The following PI4K2B variants were observed in gnomAD, a reference collection of about 807,000 sequenced individuals.
PI4K2B encodes the protein phosphatidylinositol 4-kinase type 2 beta.
A neutral mutation model predicts 56.6 loss-of-function variants in PI4K2B; 46 were observed. That is an observed-to-expected ratio of 0.81 (90% CI 0.64 to 1.04). The LOEUF (loss-of-function observed/expected upper bound fraction) is 1.04. PI4K2B is among the 50% of genes least tolerant of loss of function. The pLI, the probability that PI4K2B is intolerant of heterozygous loss-of-function variation, is 0.00. For synonymous variants in PI4K2B, 211 were observed against 223.8 expected, an observed-to-expected ratio of 0.94 and a Z score of 0.51; for missense variants, 556 against 607.7, an observed-to-expected ratio of 0.91 and a Z score of 0.89.
At chr4:25,251,497 G>C (rs988456847) in intron 1 of PI4K2B, among the ~76,000 whole-genome samples, 2 of 152,090 alleles carry the variant, frequency 1.3e-5, no homozygotes, top group Non-Finnish European at 2.9e-5. Context: ...ATTTAAGCTG[G>C]CCAAGGAGGA....
intron 4 of PI4K2B, among the ~76,000 whole-genome samples, chr4:25,257,272 G>A (rs12506918): frequency 1.3e-5 from 2 of 152,052 alleles, no homozygotes; most frequent in African/African-American, 4.8e-5. Flanking sequence ...ATGTTGCCTA[G>A]GCTGGTCTTG....
chr4:25,254,519 T>C (rs1716182136), intron 2 of PI4K2B: 1 of 154,812 alleles, frequency 6.5e-6, no homozygotes, highest in Admixed American at 6.5e-5. Context: ...GTTCATGCCA[T>C]TCTCCAGCCT....
intron 1 of PI4K2B, among the ~76,000 whole-genome samples, chr4:25,236,489 G>T (rs1577672541): frequency 6.7e-6 from 1 of 149,322 alleles, no homozygotes; most frequent in South Asian, 2.1e-4. Context: ...AGAGGTGTAG[G>T]TTGCAGTGAG....
rs74310701 is a variant in PI4K2B at position 25,266,195 on chromosome 4, T to TC, written c.1079-2243dup. On this transcript the variant is annotated intron_variant, in intron 7 of 9. Coordinates refer to ENST00000264864, the MANE Select transcript of PI4K2B (RefSeq NM_018323.4). ...ATGCATGTGTGAATGAATGACAAGGTCCCCCTCTGTCATCTAGGCTGGATT... is the reference window on the plus strand; with the variant it reads ...ATGCATGTGTGAATGAATGACAAGGTCCCCCCTCTGTCATCTAGGCTGGATT... 0.015 allele frequency among the ~76,000 whole-genome samples: 2,221 copies of TC among 152,248 alleles called. 127 individuals carry two copies. The East Asian group carries it at 0.18, about 12-fold the overall frequency.
chr4:25,265,464 T>C (rs1447039298), intron 7 of PI4K2B, among the ~76,000 whole-genome samples: 1 of 152,212 alleles, frequency 6.6e-6, no homozygotes, highest in African/African-American at 2.4e-5. Context: ...ATGTTCATGC[T>C]ATATCGCTTT....
At chr4:25,235,859 T>A (rs1715239249) in intron 1 of PI4K2B, among the ~76,000 whole-genome samples, 6 of 151,880 alleles carry the variant, frequency 4.0e-5, no homozygotes, top group Admixed American at 3.9e-4. Flanking sequence ...TAGAAAAAAA[T>A]CAAAGCGAGA....
chr4:25,261,372 T>C (rs1384516480), intron 6 of PI4K2B, among the ~76,000 whole-genome samples: 2 of 152,192 alleles, frequency 1.3e-5, no homozygotes, highest in African/African-American at 2.4e-5. Context: ...TCAACACTGA[T>C]ATGAGAGTTA....
intron 1 of PI4K2B, among the ~76,000 whole-genome samples, chr4:25,249,339 C>T (rs929827516): frequency 7.2e-5 from 11 of 152,214 alleles, no homozygotes; most frequent in Admixed American, 6.5e-4. Context: ...ACCTCCCAGA[C>T]AGGGTGGCGG....
intron 2 of PI4K2B, among the ~76,000 whole-genome samples, chr4:25,254,722 G>T (rs931915836): frequency 1.6e-4 from 25 of 152,242 alleles, no homozygotes; most frequent in African/African-American, 6.0e-4. Flanking sequence ...CAGTGAAACT[G>T]TTTCTTAACT....
At chr4:25,275,544 C>T (rs559520666) in intron 9 of PI4K2B, among the ~76,000 whole-genome samples, 1 of 152,116 alleles carries the variant, frequency 6.6e-6, no homozygotes, top group South Asian at 2.1e-4. Flanking sequence ...CCTCTAGGCC[C>T]AGCTACTCTG....
intron 9 of PI4K2B, among the ~76,000 whole-genome samples, chr4:25,274,639 G>A (rs1717031525): frequency 6.6e-6 from 1 of 152,240 alleles, no homozygotes; most frequent in South Asian, 2.1e-4. Context: ...AACACCGTGA[G>A]TGCTCAGTAA....
At position 25,256,668 on chromosome 4, in the gene PI4K2B, T is replaced by A. The variant is rs780336022; in HGVS notation, c.750T>A (p.Pro250=). The change falls in exon 4 of 10, where the codon CCT becomes CCA. Residue 250 remains proline, a synonymous_variant. Coordinates refer to ENST00000264864, the MANE Select transcript of PI4K2B (RefSeq NM_018323.4). The part of the protein sequence containing the change: ...VGRKFHRIGL[P]PKIGSFQLFV... ...GAAAGTTTCATAGGATAGGACTCCCTCCTAAGGTAAGTTTCTCTGATAAGC... is the reference window on the plus strand; with the variant it reads ...GAAAGTTTCATAGGATAGGACTCCCACCTAAGGTAAGTTTCTCTGATAAGC... 1.9e-6 allele frequency: 3 copies of A among 1,613,198 alleles called. No homozygotes were observed. The highest frequency in any genetic ancestry group is 1.3e-5 in the African/African-American group (1 of 74,942).
At chr4:25,263,056 C>T (rs1192559951) in intron 6 of PI4K2B, among the ~76,000 whole-genome samples, 1 of 152,124 alleles carries the variant, frequency 6.6e-6, no homozygotes, top group Non-Finnish European at 1.5e-5. Flanking sequence ...GGAGAAATGC[C>T]AGACGCTTGC....
At chr4:25,273,187 A>G (rs942020800) in intron 9 of PI4K2B, among the ~76,000 whole-genome samples, 6 of 149,902 alleles carry the variant, frequency 4.0e-5, no homozygotes, top group South Asian at 2.1e-4. Context: ...AAGATAAACA[A>G]TGTTTTGAAT....
At chr4:25,254,968 G>A (rs917289391) in intron 2 of PI4K2B, 97 bp from the exon 3 acceptor site, 5 of 757,088 alleles carry the variant, frequency 6.6e-6, no homozygotes, top group Non-Finnish European at 1.1e-5. Context: ...TACATCTGTG[G>A]TAGGAAGCAG....
chr4:25,235,398 A>C (rs1715216021), intron 1 of PI4K2B, among the ~76,000 whole-genome samples: 1 of 152,222 alleles, frequency 6.6e-6, no homozygotes, highest in Non-Finnish European at 1.5e-5. Context: ...GTTAGATTTT[A>C]AATGTACTGT....
intron 9 of PI4K2B, among the ~76,000 whole-genome samples, chr4:25,269,763 G>T (rs1716806462): frequency 6.6e-6 from 1 of 151,714 alleles, no homozygotes; most frequent in Non-Finnish European, 1.5e-5. Context: ...GCCCAGGCTG[G>T]AGTGCAGTGG....
intron 1 of PI4K2B, among the ~76,000 whole-genome samples, chr4:25,247,884 G>T (rs1262859352): frequency 6.6e-6 from 1 of 151,948 alleles, no homozygotes; most frequent in East Asian, 1.9e-4. Context: ...TTTATTTTTT[G>T]TGGAGATAGG....
intron 1 of PI4K2B, among the ~76,000 whole-genome samples, chr4:25,251,215 A>G (rs914503934): frequency 6.6e-6 from 1 of 152,158 alleles, no homozygotes; most frequent in Non-Finnish European, 1.5e-5. Context: ...AGTTGGTAAT[A>G]AATGCAGTGC....
Sources: allele counts gnomAD v4.1 joint callset (sites outside exome capture counted in the v4.1 genomes callset), GRCh38; gene constraint gnomAD v4.1.1; transcripts MANE v1.5; gene names NCBI Gene and HGNC (gene_info 2026-07-23, HGNC 2026-07-21).